Variants in C1QTNF9 observed in about 807,000 individuals in gnomAD.
C1QTNF9 encodes the protein complement C1q and tumor necrosis factor-related protein 9A.
C1QTNF9 carries 6 observed loss-of-function variants against 10.1 expected under a neutral mutation model. The ratio of observed to expected loss-of-function variants is 0.59; its 90% CI spans 0.32 to 1.17. The LOEUF is 1.17. Among genes scored for constraint, C1QTNF9 ranks in the 50% most tolerant of loss-of-function variants. The pLI, the probability that C1QTNF9 is intolerant of heterozygous loss-of-function variation, is 0.04. For missense variants in C1QTNF9, 201 were observed against 418.8 expected (o/e 0.48, Z 4.54); for synonymous variants, 98 against 163.5 (o/e 0.60, Z 3.06).
chr13:24,310,582 T>C (rs1566213070), intron 1 of C1QTNF9, among the ~76,000 whole-genome samples: 2 of 138,918 alleles, frequency 1.4e-5, no homozygotes, highest in Non-Finnish European at 3.1e-5. Flanking sequence ...TTTATGGCTA[T>C]GCTAATTTAC....
At chr13:24,309,107 T>G (rs1249335408), upstream of C1QTNF9, among the ~76,000 whole-genome samples, 1 of 151,766 alleles carries the variant, frequency 6.6e-6, no homozygotes, top group Non-Finnish European at 1.5e-5. Flanking sequence ...TTAGCAGCCT[T>G]CAGTTTTGTC....
chr13:24,314,818 G>T (rs1176390445), intron 1 of C1QTNF9, among the ~76,000 whole-genome samples: 2 of 151,118 alleles, frequency 1.3e-5, no homozygotes, highest in Non-Finnish European at 3.0e-5. Context: ...ACTTCAGCCT[G>T]CGTGATGGAG....
chr13:24,319,411 T>A (rs1464647177), intron 3 of C1QTNF9, among the ~76,000 whole-genome samples: 1 of 152,038 alleles, frequency 6.6e-6, no homozygotes, highest in Non-Finnish European at 1.5e-5. Context: ...TTGTGGCACG[T>A]GCCTGTAGTC....
chr13:24,316,120 G>T (rs754903515), exon 2 of C1QTNF9: 27 of 1,612,284 alleles, frequency 1.7e-5, no homozygotes, highest in Non-Finnish European at 2.1e-5. Context: ...ACAATGGTCT[G>T]CCTGGAAGAG....
intron 3 of C1QTNF9, among the ~76,000 whole-genome samples, chr13:24,319,548 C>CA (rs1217679651): frequency 6.6e-6 from 1 of 151,574 alleles, no homozygotes; most frequent in Non-Finnish European, 1.5e-5. Flanking sequence ...CTCAAAGCAA[C>CA]AAAAAAACAA....
upstream of C1QTNF9, among the ~76,000 whole-genome samples, chr13:24,309,283 TTATATATATATATA>T (rs72150411): frequency 5.9e-5 from 4 of 68,292 alleles, no homozygotes; most frequent in African/African-American, 9.9e-5. Flanking sequence ...ACTTAAAGTA[TTATATATATATATA>T]TATATATATA....
intron 2 of C1QTNF9, among the ~76,000 whole-genome samples, chr13:24,317,424 C>T (rs1280796311): frequency 1.3e-5 from 2 of 151,970 alleles, no homozygotes; most frequent in Non-Finnish European, 1.5e-5. Context: ...CTACCTCTTC[C>T]CTGTTGAATT....
chr13:24,311,683 T>C (rs1877827522), intron 1 of C1QTNF9, among the ~76,000 whole-genome samples: 1 of 152,222 alleles, frequency 6.6e-6, no homozygotes, highest in South Asian at 2.1e-4. Context: ...GGATGTGGGC[T>C]CAGCTGTGTG....
chr13:24,314,689 A>AAAACC (rs1356840010), intron 1 of C1QTNF9, among the ~76,000 whole-genome samples: 96 of 152,212 alleles, frequency 6.3e-4, no homozygotes, highest in African/African-American at 2.2e-3. Flanking sequence ...AAAACAAAAC[A>AAAACC]AAACCAAACC....
rs56654126 is a variant in C1QTNF9, at chr13:24,317,287, T to TGTGTGTGTG, written c.166+1120_166+1121insGTGTGTGGT. On this transcript the variant is annotated intron_variant, in intron 2 of 3. Transcript: ENST00000332018. ...TGTGTGTGTGTGTGTGTGTGTGTAT[T>TGTGTGTGTG]GTATTTCTGAATATATAAGATTTTC... Among the ~76,000 whole-genome samples, 421 of 144,208 alleles carry TGTGTGTGTG rather than the reference T, an allele frequency of 2.9e-3. 1 individual carries two copies. The highest frequency in any genetic ancestry group is 0.01 in the African/African-American group (393 of 39,152). The allele number at this position is 144,208 out of a possible 152,430, so 94.6% of individuals were successfully genotyped here. A position where few individuals can be genotyped will look rare whatever the true frequency, so the allele number is the denominator to read the frequency against.
In C1QTNF9 at chr13:24,312,954, C is replaced by CAA. The variant is rs34668112; in HGVS notation, c.-22-3014_-22-3013dup. On this transcript the variant is annotated intron_variant, in intron 1 of 3. Transcript: ENST00000332018. ...TGGGCGACAGAGCGAGACTCTATCT[C>CAA]AAAAAAAAAAAAAAAGAAAAAAAAA... is the stretch of plus-strand genomic sequence containing the variant. Among the ~76,000 whole-genome samples the CAA allele has an allele frequency of 8.4e-3, 967 of 115,686 alleles. 7 individuals carry two copies. Among genetic ancestry groups the CAA allele is most frequent in the Non-Finnish European group, 0.011 (621 of 58,564 alleles). The allele number at this position is 115,686 out of a possible 152,430, so 75.9% of individuals were successfully genotyped here.
intron 3 of C1QTNF9, among the ~76,000 whole-genome samples, chr13:24,320,618 C>A (rs911911760): frequency 2.0e-5 from 3 of 152,200 alleles, no homozygotes; most frequent in African/African-American, 7.2e-5. Flanking sequence ...TTCCTGGACT[C>A]AAGTAGTCTG....
At chr13:24,319,814 G>C (rs1878178854) in intron 3 of C1QTNF9, among the ~76,000 whole-genome samples, 1 of 152,110 alleles carries the variant, frequency 6.6e-6, no homozygotes, top group Non-Finnish European at 1.5e-5. Context: ...TTCACTTTGT[G>C]CTTTTCATGT....
chr13:24,311,954 T>C (rs936854968), intron 1 of C1QTNF9, among the ~76,000 whole-genome samples: 12 of 152,260 alleles, frequency 7.9e-5, no homozygotes, highest in African/African-American at 2.9e-4. Flanking sequence ...TCACTTTTGC[T>C]CATCCCCATG....
rs1593536009 is a variant in C1QTNF9 at position 24,318,984 on chromosome 13, C to T, written c.229+104C>T. 3 of 1,489,312 alleles carry T rather than the reference C, an allele frequency of 2.0e-6. No homozygotes were observed. The East Asian group carries it at 6.8e-5, about 34-fold the overall frequency. 92.3% of individuals were successfully genotyped at this position (1,489,312 alleles called of 1,614,324 possible). On this transcript the variant is annotated intron_variant, in intron 3 of 3. Transcript: ENST00000332018. ...GCTGATTATAATCTTACAATAAAGG[C>T]AACACAGTTCTTACTCTCCAGACGG...
upstream of C1QTNF9, among the ~76,000 whole-genome samples, chr13:24,309,109 A>G (rs1877715182): frequency 6.6e-6 from 1 of 151,812 alleles, no homozygotes; most frequent in African/African-American, 2.4e-5. Context: ...AGCAGCCTTC[A>G]GTTTTGTCCT....
chr13:24,311,899 A>C (rs9511189), intron 1 of C1QTNF9, among the ~76,000 whole-genome samples: 1 of 151,792 alleles, frequency 6.6e-6, no homozygotes, highest in Admixed American at 6.5e-5. Context: ...GGGAAAGGGC[A>C]CCCCCTTACC....
exon 2 of C1QTNF9, chr13:24,315,990 C>T (rs778980881): frequency 1.2e-5 from 19 of 1,613,734 alleles, no homozygotes; most frequent in Middle Eastern, 3.3e-4. Flanking sequence ...AGTTCAGAGT[C>T]TGTCATCTGA....
At chr13:24,311,890 G>A (rs1324068616) in intron 1 of C1QTNF9, among the ~76,000 whole-genome samples, 1 of 152,106 alleles carries the variant, frequency 6.6e-6, no homozygotes, top group Non-Finnish European at 1.5e-5. Flanking sequence ...ACAGGAAGCG[G>A]GAAAGGGCAC....
Sources: allele counts gnomAD v4.1 joint callset (sites outside exome capture counted in the v4.1 genomes callset), GRCh38; gene constraint gnomAD v4.1.1; transcripts MANE v1.5; gene names NCBI Gene and HGNC (gene_info 2026-07-23, HGNC 2026-07-21).